The following SACS variants were observed in gnomAD, a reference collection of about 807,000 sequenced individuals.
The protein encoded by SACS is sacsin.
In SACS, 197 loss-of-function variants were observed where a neutral mutation model predicts 348.0. That is an observed-to-expected ratio of 0.57 (90% CI 0.50 to 0.64). The LOEUF (loss-of-function observed/expected upper bound fraction) is 0.64. Among genes scored for constraint, SACS ranks in the 30% least tolerant of loss-of-function variants. SACS has a pLI of 0.00. For synonymous variants in SACS, 1,985 were observed against 1,910.6 expected (o/e 1.04, Z -1.02); for missense variants, 4,999 against 5,360.8 (o/e 0.93, Z 2.11).
At chr13:23,405,709 C>A (rs183101188) in intron 2 of SACS, among the ~76,000 whole-genome samples, 1,975 of 151,470 alleles carry the variant, frequency 0.013, 82 homozygotes, top group East Asian at 0.093. Flanking sequence ...AAAAAAAAAA[C>A]CCCATTAAAA....
chr13:23,335,215 A>C lies in SACS; in HGVS notation c.8661T>G (p.Phe2887Leu). ...GGTTCCTTCTGGCTGAATCCAGTGC[A>C]AAGTGGCCATTCACATGAAATGGCA... The part of the protein sequence containing the change: ...TGLPFHVNGH[F>L]ALDSARRNLW... Residue 2887 changes from phenylalanine to leucine, a missense_variant, in exon 10 of 10, where the codon TTT becomes TTG. Physicochemically the swap from Phe to Leu is conservative, Grantham distance 22 (BLOSUM62 0). Around this residue, in one of 6 missense-constraint regions of SACS, gnomAD observed 21 missense variants for 51.8 expected, o/e 0.41. Transcript: ENST00000382292. This position sits in a 1 kb window ranked among gnomAD's most constrained non-coding sequence, Gnocchi z 4.7. 6.2e-7 allele frequency: 1 copy of C among 1,613,972 alleles called. No individual in the cohort carries two copies. The highest frequency in any genetic ancestry group is 1.3e-5 in the African/African-American group (1 of 75,038).
At chr13:23,354,160 G>A (rs957950338) in intron 8 of SACS, among the ~76,000 whole-genome samples, 8 of 152,074 alleles carry the variant, frequency 5.3e-5, no homozygotes, top group African/African-American at 1.9e-4. Flanking sequence ...CGTTTATAAA[G>A]AATTACTTAA....
intron 2 of SACS, among the ~76,000 whole-genome samples, chr13:23,382,687 G>A (rs918614939): frequency 6.6e-6 from 1 of 151,808 alleles, no homozygotes; most frequent in South Asian, 2.1e-4. Flanking sequence ...AACTATAATG[G>A]CTAAGTAATT....
intron 4 of SACS, among the ~76,000 whole-genome samples, chr13:23,369,441 A>G (rs1298862616): frequency 1.3e-5 from 2 of 152,246 alleles, no homozygotes; most frequent in African/African-American, 4.8e-5. Context: ...TCTGCTTAAA[A>G]AAGCAAAATT....
chr13:23,399,288 C>A (rs1277274069), intron 2 of SACS, among the ~76,000 whole-genome samples: 1 of 152,120 alleles, frequency 6.6e-6, no homozygotes, highest in Non-Finnish European at 1.5e-5. Flanking sequence ...GTTCTTTGTT[C>A]TCGAGATCAA....
intron 1 of SACS, among the ~76,000 whole-genome samples, chr13:23,420,469 T>G (rs1324347681): frequency 6.6e-6 from 1 of 151,110 alleles, no homozygotes; most frequent in African/African-American, 2.4e-5. Context: ...AATGTCCACC[T>G]GTGGCCCAAT....
intron 2 of SACS, among the ~76,000 whole-genome samples, chr13:23,395,981 A>G (rs1336091347): frequency 6.6e-6 from 1 of 152,178 alleles, no homozygotes; most frequent in Admixed American, 6.5e-5. Flanking sequence ...AACTTATAAA[A>G]TCCCTTTAAG....
At position 23,338,556 on chromosome 13, in the gene SACS, T is replaced by A. The variant is rs1868882490; in HGVS notation, c.5320A>T (p.Ile1774Phe). The A allele has an allele frequency of 8.7e-6, 14 of 1,614,132 alleles. No individual in the cohort carries two copies. The African/African-American group carries it at 1.1e-4, about 12-fold the overall frequency. ...AAAAGTGGCGACTGTAAATCAGCAA[T>A]CCTTCTGAACACATGGTGAAATTCT... ...VEEFHHVFRR[I>F]ADLQSPLFRG... Residue 1774 changes from isoleucine to phenylalanine, a missense_variant, in exon 10 of 10, where the codon ATT becomes TTT. By Grantham distance (21) the Ile-to-Phe change is conservative. This residue lies in a region of SACS where 3,156 missense variants were observed against 3,380.1 expected (regional missense o/e 0.93). Transcript: ENST00000382292.
chr13:23,375,479 T>TCC (rs1871717855), intron 2 of SACS: 1 of 1,155,348 alleles, frequency 8.7e-7, no homozygotes, highest in Non-Finnish European at 1.1e-6. Flanking sequence ...CATGGCGCAG[T>TCC]CCCGTACGCA....
At chr13:23,367,965 C>T (rs560564429) in intron 5 of SACS, among the ~76,000 whole-genome samples, 3 of 152,174 alleles carry the variant, frequency 2.0e-5, no homozygotes, top group East Asian at 1.9e-4. Context: ...AATAATTATC[C>T]TATTAAATAA....
Position 23,331,297 on chromosome 13 carries a change from G to C in SACS, c.12579C>G (p.Ile4193Met). ...TGTATGTTGGCTGGTATGATCCATA[G>C]ATATCACCACCTTCAGCATCAACAA... The part of the protein sequence containing the change: ...GYLVDAEGGD[I>M]YGSYQPTYTY... Residue 4193 changes from isoleucine (I) to methionine (M), a missense_variant, in exon 10 of 10, where the codon ATC (isoleucine) becomes ATG (methionine). Ile to Met is a conservative substitution (Grantham distance 10, BLOSUM62 1). Around this residue, in one of 6 missense-constraint regions of SACS, gnomAD observed 831 missense variants for 941.8 expected, o/e 0.88. Coordinates refer to ENST00000382292, the MANE Select transcript of SACS (RefSeq NM_014363.6). 6.2e-7 allele frequency: 1 copy of C among 1,613,864 alleles called. No individual in the cohort carries two copies. Among genetic ancestry groups the C allele is most frequent in the Non-Finnish European group, 8.5e-7 (1 of 1,179,908 alleles).
chr13:23,335,980 GAT>G lies in SACS; in HGVS notation c.7894_7895del (p.Ile2632HisfsTer11), dbSNP rs1387696462. The G allele has an allele frequency of 6.2e-7, 1 of 1,612,982 alleles. No individual in the cohort carries two copies. The highest frequency in any genetic ancestry group is 1.7e-5 in the Admixed American group (1 of 59,984). ...YGIGFNSVYH[I>X]TDCPSFISGN... ...CAGAAATAAAAGATGGGCAGTCTGT[GAT>G]ATGATACACAGAATTGAATCCTATT... On this transcript the variant is annotated frameshift_variant, in exon 10 of 10. Transcript: ENST00000382292. LOFTEE classifies it high-confidence loss of function. This position sits in a 1 kb window ranked among gnomAD's most constrained non-coding sequence, Gnocchi z 4.7.
chr13:23,334,372 T>G lies in SACS; in HGVS notation c.9504A>C (p.Ala3168=), dbSNP rs780604047. Residue 3168 remains alanine, a synonymous_variant, in exon 10 of 10, where the codon GCA becomes GCC. Transcript: ENST00000382292. ...ATGTTGTTAGAAACTTGGGTCGTTT[T>G]GCATCAAAAGTTTGCAAAACACTGT... ...TLDSVLQTFD[A]KRPKFLTTYH... 2 of 1,612,836 alleles carry G rather than the reference T, an allele frequency of 1.2e-6. No homozygotes were observed. The highest frequency in any genetic ancestry group is 1.7e-6 in the Non-Finnish European group (2 of 1,179,414).
At chr13:23,396,134 G>A (rs1566101017) in intron 2 of SACS, among the ~76,000 whole-genome samples, 2 of 152,094 alleles carry the variant, frequency 1.3e-5, no homozygotes, top group East Asian at 3.9e-4. Flanking sequence ...GACCAGCCTG[G>A]CCAACATGGT....
chr13:23,354,071 G>A (rs1667444743), intron 8 of SACS, among the ~76,000 whole-genome samples, 195 bp from the exon 9 acceptor site: 1 of 152,144 alleles, frequency 6.6e-6, no homozygotes, highest in African/African-American at 2.4e-5. Flanking sequence ...AAGGCATCAT[G>A]TACTTTACTC....
chr13:23,337,338 C>T lies in SACS; in HGVS notation c.6538G>A (p.Ala2180Thr). The T allele has an allele frequency of 6.2e-7, 1 of 1,613,942 alleles. No individual in the cohort carries two copies. The highest frequency in any genetic ancestry group is 8.5e-7 in the Non-Finnish European group (1 of 1,179,914). ...VAEINKSDHV[A>T]ACLRSSILLS... is the part of the protein sequence containing the mutation. ...AAGATACTACTTCTTAGGCATGCAG[C>T]AACATGATCACTTTTATTAATTTCA... Residue 2180 changes from alanine to threonine, a missense_variant, in exon 10 of 10, where the codon GCT becomes ACT. By Grantham distance (58) the Ala-to-Thr change is moderately conservative. Around this residue, in one of 6 missense-constraint regions of SACS, gnomAD observed 3,156 missense variants for 3,380.1 expected, o/e 0.93. Coordinates refer to ENST00000382292, the MANE Select transcript of SACS (RefSeq NM_014363.6).
At chr13:23,343,912 G>T (rs1869437802) in intron 9 of SACS, among the ~76,000 whole-genome samples, 1 of 152,068 alleles carries the variant, frequency 6.6e-6, no homozygotes, top group Non-Finnish European at 1.5e-5. Context: ...ATAAGCAAGG[G>T]CACACTTTTG....
intron 2 of SACS, among the ~76,000 whole-genome samples, chr13:23,393,265 T>C (rs1306809246): frequency 6.6e-6 from 1 of 152,210 alleles, no homozygotes; most frequent in Non-Finnish European, 1.5e-5. Context: ...TCAAGCAAGT[T>C]TGGAGTTTGG....
At chr13:23,368,801 C>A (rs1871207804) in intron 4 of SACS, among the ~76,000 whole-genome samples, 1 of 152,126 alleles carries the variant, frequency 6.6e-6, no homozygotes, top group African/African-American at 2.4e-5. Context: ...TGGGTTCATG[C>A]CATTCTCCTG....
Sources: allele counts gnomAD v4.1 joint callset (sites outside exome capture counted in the v4.1 genomes callset), GRCh38; gene constraint gnomAD v4.1.1; regional missense constraint gnomAD v4.1.1; non-coding constraint Gnocchi (gnomAD v3.1); transcripts MANE v1.5; gene names NCBI Gene and HGNC (gene_info 2026-07-23, HGNC 2026-07-21).